LPA: variants seen among roughly 807,000 people sequenced by gnomAD.
LPA encodes apolipoprotein(a).
LPA carries 199 observed loss-of-function variants against 197.9 expected under a neutral mutation model. That is an observed-to-expected ratio of 1.01 (90% CI 0.90 to 1.13). The LOEUF is 1.13. Among genes scored for constraint, LPA ranks in the 50% most tolerant of loss-of-function variants. The pLI is 0.00. For missense variants in LPA, 1,853 were observed against 1,785.8 expected (o/e 1.04, Z -0.68); for synonymous variants, 715 against 639.5 (o/e 1.12, Z -1.78).
chr6:160,594,090 T>C lies in LPA; in HGVS notation c.3497A>G (p.Gln1166Arg). The change falls in exon 22 of 39, where the codon CAG (glutamine) becomes CGG (arginine). Residue 1166 changes from glutamine (Q) to arginine (R), a missense_variant. Physicochemically the swap from Gln to Arg is conservative, Grantham distance 43. Around this residue, in one of 3 missense-constraint regions of LPA, gnomAD observed 1,737 missense variants for 1,504.4 expected, o/e 1.15. Transcript: ENST00000316300. ...CTGTCCATCACCATGGTAGCAATCC[T>C]GGACCCCGGGGCTTTGCTCCGTTGG... Reference protein sequence around the residue: ...EAPTEQSPGVQDCYHGDGQSY... With the variant: ...EAPTEQSPGVRDCYHGDGQSY... 6.2e-7 allele frequency: 1 copy of C among 1,613,946 alleles called. No homozygotes were observed. The highest frequency in any genetic ancestry group is 8.5e-7 in the Non-Finnish European group (1 of 1,179,856).
At chr6:160,652,883 T>C (rs1281122986) in intron 1 of LPA, among the ~76,000 whole-genome samples, 64 of 152,030 alleles carry the variant, frequency 4.2e-4, no homozygotes, top group Admixed American at 4.2e-3. Context: ...ATAAACATTG[T>C]GGAAAATACT....
At chr6:160,651,712 G>A (rs922999203) in intron 1 of LPA, among the ~76,000 whole-genome samples, 1 of 152,094 alleles carries the variant, frequency 6.6e-6, no homozygotes, top group Non-Finnish European at 1.5e-5. Flanking sequence ...GACAGACTCA[G>A]AAAAGACACC....
intron 20 of LPA, among the ~76,000 whole-genome samples, chr6:160,596,772 A>C (rs1027421988): frequency 3.3e-5 from 5 of 152,178 alleles, no homozygotes; most frequent in Admixed American, 3.3e-4. Context: ...TGAGAATTGC[A>C]GTTTGAAATC....
In LPA at chr6:160,594,099, G is replaced by C; in HGVS notation, c.3488C>G (p.Pro1163Arg). The C allele has an allele frequency of 1.2e-6, 2 of 1,613,842 alleles. No individual in the cohort carries two copies. Among genetic ancestry groups the C allele is most frequent in the Non-Finnish European group, 1.7e-6 (2 of 1,179,840 alleles). ...ACCATGGTAGCAATCCTGGACCCCGGGGCTTTGCTCCGTTGGTGCTGAAAT... is the reference window on the plus strand; with the variant it reads ...ACCATGGTAGCAATCCTGGACCCCGCGGCTTTGCTCCGTTGGTGCTGAAAT... ...SSEEAPTEQS[P>R]GVQDCYHGDG... Residue 1163 changes from proline to arginine, a missense_variant, in exon 22 of 39, where the codon CCC (proline) becomes CGC (arginine). Physicochemically the swap from Pro to Arg is moderately radical, Grantham distance 103. Around this residue, in one of 3 missense-constraint regions of LPA, gnomAD observed 1,737 missense variants for 1,504.4 expected, o/e 1.15. Transcript: ENST00000316300.
At chr6:160,580,672 G>A (rs1007704828) in intron 26 of LPA, among the ~76,000 whole-genome samples, 1 of 152,112 alleles carries the variant, frequency 6.6e-6, no homozygotes, top group African/African-American at 2.4e-5. Flanking sequence ...AAGATGTTGT[G>A]CACTTTTTCA....
Position 160,578,572 on chromosome 6 carries a change from T to C in LPA, c.4422A>G (p.Thr1474=), listed in dbSNP as rs1480083122. ...TTGGAACCGGGGCCACTGTGGGAGT[T>C]GTGAGGACACTCGATTCTGTCACTG... ...RCPVTESSVL[T]TPTVAPVPST... is the part of the protein sequence containing the mutation. Residue 1474 remains threonine (T), a synonymous_variant, in exon 27 of 39, where the codon ACA becomes ACG. Transcript: ENST00000316300. 6.2e-7 allele frequency: 1 copy of C among 1,614,020 alleles called. No individual in the cohort carries two copies.
chr6:160,577,005 G>A (rs1778696214), intron 28 of LPA, 131 bp downstream of exon 28: 1 of 1,053,698 alleles, frequency 9.5e-7, no homozygotes, highest in Non-Finnish European at 1.5e-6. Context: ...AAAAGCAAAG[G>A]TCCTGAGACA....
At chr6:160,587,226 C>G (rs532062460) in intron 24 of LPA, among the ~76,000 whole-genome samples, 5 of 152,320 alleles carry the variant, frequency 3.3e-5, no homozygotes, top group African/African-American at 1.2e-4. Flanking sequence ...TATGCTCCCT[C>G]CTTGGTCTGT....
chr6:160,611,600 T>C lies in LPA; in HGVS notation c.2565A>G (p.Pro855=), dbSNP rs759541475. The C allele has an allele frequency of 1.1e-5, 18 of 1,602,246 alleles. No homozygotes were observed. Among genetic ancestry groups the C allele is most frequent in the African/African-American group, 6.7e-5 (5 of 74,202 alleles). Residue 855 remains proline (P), a synonymous_variant, in exon 16 of 39, where the codon CCA becomes CCG. Coordinates refer to ENST00000316300, the MANE Select transcript of LPA (RefSeq NM_005577.4). ...ATTCTGGGGTCCGACTATGCGAGTG[T>C]GGTGTCATAGATGACCAAGCTTGGC... The part of the protein sequence containing the change: ...RTCQAWSSMT[P]HSHSRTPEYY...
At chr6:160,611,355 G>A (rs760632883) in intron 16 of LPA, among the ~76,000 whole-genome samples, 5 of 152,028 alleles carry the variant, frequency 3.3e-5, no homozygotes, top group South Asian at 4.1e-4. Context: ...TTTCCCTTCT[G>A]CTCCACAAAA....
intron 37 of LPA, among the ~76,000 whole-genome samples, chr6:160,537,619 A>T (rs1404045653): frequency 6.6e-6 from 1 of 152,228 alleles, no homozygotes; most frequent in Non-Finnish European, 1.5e-5. Context: ...TACAAAAAAA[A>T]TTAAAAGATT....
intron 2 of LPA, among the ~76,000 whole-genome samples, chr6:160,647,073 C>A (rs1326966552): frequency 6.6e-6 from 1 of 152,202 alleles, no homozygotes; most frequent in African/African-American, 2.4e-5. Context: ...TGCTCCCAGG[C>A]AGAATGCAGT....
intron 28 of LPA, among the ~76,000 whole-genome samples, chr6:160,559,573 A>G (rs912376285): frequency 6.6e-6 from 1 of 152,218 alleles, no homozygotes; most frequent in African/African-American, 2.4e-5. Context: ...TATTGATGGA[A>G]CTTTTTAAGA....
intron 16 of LPA, among the ~76,000 whole-genome samples, chr6:160,609,475 C>G (rs1779433985): frequency 6.6e-6 from 1 of 152,032 alleles, no homozygotes; most frequent in African/African-American, 2.4e-5. Context: ...TTCTTATATC[C>G]TTGCCTTGTT....
intron 16 of LPA, among the ~76,000 whole-genome samples, chr6:160,611,351 T>G (rs1428535853): frequency 4.6e-5 from 7 of 152,110 alleles, no homozygotes; most frequent in Non-Finnish European, 2.9e-5. Flanking sequence ...CTCATTTCCC[T>G]TCTGCTCCAC....
intron 10 of LPA, among the ~76,000 whole-genome samples, chr6:160,626,505 G>C (rs1779654727): frequency 2.4e-5 from 3 of 125,008 alleles, no homozygotes; most frequent in African/African-American, 3.7e-5. Flanking sequence ...CTCTAGAATT[G>C]TGTGTTGGGT....
At chr6:160,657,398 CTTT>C (rs56850029) in intron 1 of LPA, among the ~76,000 whole-genome samples, 52 of 134,646 alleles carry the variant, frequency 3.9e-4, no homozygotes, top group African/African-American at 1.1e-3. Context: ...ACTATTATAA[CTTT>C]TTTTTTTTTT....
intron 33 of LPA, among the ~76,000 whole-genome samples, chr6:160,543,440 A>C (rs1778016541): frequency 6.6e-6 from 1 of 152,046 alleles, no homozygotes; most frequent in African/African-American, 2.4e-5. Flanking sequence ...TATAGTTAAT[A>C]ATTATTCATA....
chr6:160,652,432 T>C (rs74865159), intron 1 of LPA, among the ~76,000 whole-genome samples: 14,041 of 152,164 alleles, frequency 0.092, 816 homozygotes, highest in Non-Finnish European at 0.14. Context: ...CAACCCAGTA[T>C]CTATACTCAG....
Sources: allele counts gnomAD v4.1 joint callset (sites outside exome capture counted in the v4.1 genomes callset), GRCh38; gene constraint gnomAD v4.1.1; regional missense constraint gnomAD v4.1.1; transcripts MANE v1.5; gene names NCBI Gene and HGNC (gene_info 2026-07-23, HGNC 2026-07-21).